SMAD6: variants seen among roughly 807,000 people sequenced by gnomAD.
SMAD6 encodes the protein MAD homolog 6.
SMAD6 carries 103 observed loss-of-function variants against 39.4 expected under a neutral mutation model. The ratio of observed to expected loss-of-function variants is 2.62; its 90% CI spans 2.23 to 3.08. SMAD6 has a LOEUF of 3.08. Among genes scored for constraint, SMAD6 ranks in the 30% most tolerant of loss-of-function variants. The pLI, the probability that SMAD6 is intolerant of heterozygous loss-of-function variation, is 0.00. For missense variants in SMAD6, 1,104 were observed against 742.9 expected (o/e 1.49, Z -5.65); for synonymous variants, 445 against 353.3 (o/e 1.26, Z -2.91).
Position 66,781,156 on chromosome 15 carries a change from T to C in SMAD6, c.1112T>C (p.Leu371Pro), listed in dbSNP as rs962194182. ...GGCAGCGGCTTCTGCCTGGGCCAGC[T>C]CAACCTGGAGCAGCGCAGCGAGTCG... ...PQGSGFCLGQ[L>P]NLEQRSESVR... Residue 371 changes from leucine to proline, a missense_variant, in exon 4 of 4, where the codon CTC becomes CCC. Leu to Pro is a moderately conservative substitution (Grantham distance 98, BLOSUM62 -3). Coordinates refer to ENST00000288840, the MANE Select transcript of SMAD6 (RefSeq NM_005585.5). 6.2e-7 allele frequency: 1 copy of C among 1,608,254 alleles called. No individual in the cohort carries two copies. The highest frequency in any genetic ancestry group is 8.5e-7 in the Non-Finnish European group (1 of 1,179,744).
At chr15:66,726,121 G>A (rs1320175700) in intron 3 of SMAD6, among the ~76,000 whole-genome samples, 1 of 152,132 alleles carries the variant, frequency 6.6e-6, no homozygotes, top group Admixed American at 6.5e-5. Context: ...TCACTCCCAG[G>A]CCCCTTCTCT....
At chr15:66,775,898 T>C (rs1397528205) in intron 3 of SMAD6, among the ~76,000 whole-genome samples, 1 of 152,212 alleles carries the variant, frequency 6.6e-6, no homozygotes, top group Non-Finnish European at 1.5e-5. Flanking sequence ...GGCTTGTGAC[T>C]GAGAGGCACA....
At chr15:66,779,439 C>T (rs1894521409) in intron 3 of SMAD6, among the ~76,000 whole-genome samples, 1 of 152,162 alleles carries the variant, frequency 6.6e-6, no homozygotes, top group East Asian at 1.9e-4. Context: ...GTGCCAGGCC[C>T]AGGACAAGGG....
chr15:66,748,090 C>A (rs1893937762), intron 3 of SMAD6, among the ~76,000 whole-genome samples: 1 of 152,036 alleles, frequency 6.6e-6, no homozygotes, highest in African/African-American at 2.4e-5. Context: ...GTAAAATAAT[C>A]AAAATATTTG....
intron 3 of SMAD6, among the ~76,000 whole-genome samples, chr15:66,739,855 G>A (rs1278303258): frequency 6.6e-6 from 1 of 152,128 alleles, no homozygotes; most frequent in South Asian, 2.1e-4. Flanking sequence ...GCCCAGGGTA[G>A]CCTCGAACTA....
At chr15:66,729,685 C>T (rs1893590430) in intron 3 of SMAD6, among the ~76,000 whole-genome samples, 1 of 152,220 alleles carries the variant, frequency 6.6e-6, no homozygotes, top group African/African-American at 2.4e-5. Context: ...ATTTTCTTCC[C>T]TGGCCCGCCC....
chr15:66,754,338 T>G (rs1279003260), intron 3 of SMAD6, among the ~76,000 whole-genome samples: 1 of 152,208 alleles, frequency 6.6e-6, no homozygotes, highest in Non-Finnish European at 1.5e-5. Flanking sequence ...TGCAGAAGAC[T>G]GGACCGAGCT....
At chr15:66,722,779 C>G (rs1017679721) in intron 3 of SMAD6, among the ~76,000 whole-genome samples, 2 of 151,374 alleles carry the variant, frequency 1.3e-5, no homozygotes, top group African/African-American at 4.9e-5. Context: ...GAGGGGGGGT[C>G]GGCAGGAGTG....
At chr15:66,737,811 A>T (rs948464804) in intron 3 of SMAD6, among the ~76,000 whole-genome samples, 7 of 152,078 alleles carry the variant, frequency 4.6e-5, no homozygotes, top group African/African-American at 1.7e-4. Flanking sequence ...CTGGGACCCA[A>T]GCCCCAGTGA....
At chr15:66,740,200 A>T (rs913636581) in intron 3 of SMAD6, among the ~76,000 whole-genome samples, 1 of 152,144 alleles carries the variant, frequency 6.6e-6, no homozygotes, top group Non-Finnish European at 1.5e-5. Context: ...TCCCCTGTGC[A>T]TTCCTGGCTA....
chr15:66,710,213 A>G (rs959716817), intron 1 of SMAD6, among the ~76,000 whole-genome samples: 1 of 152,202 alleles, frequency 6.6e-6, no homozygotes, highest in African/African-American at 2.4e-5. Flanking sequence ...TTGAGAAAGG[A>G]TTAAATAAAA....
intron 3 of SMAD6, among the ~76,000 whole-genome samples, chr15:66,753,244 G>A (rs1287940019): frequency 1.3e-5 from 2 of 152,184 alleles, no homozygotes; most frequent in Non-Finnish European, 2.9e-5. Flanking sequence ...TCTGGGATGT[G>A]GGAAAGGTGA....
chr15:66,766,236 A>G (rs899306352), intron 3 of SMAD6, among the ~76,000 whole-genome samples: 18 of 152,062 alleles, frequency 1.2e-4, no homozygotes, highest in African/African-American at 4.4e-4. Flanking sequence ...CCAGCCTCGT[A>G]GAGGAGGTGC....
At chr15:66,715,999 G>A (rs929590111) in intron 2 of SMAD6, among the ~76,000 whole-genome samples, 1 of 150,508 alleles carries the variant, frequency 6.6e-6, no homozygotes, top group African/African-American at 2.4e-5. Context: ...AGGAAGGAAG[G>A]AAGAAAGGAA....
chr15:66,723,397 A>G (rs904128708), intron 3 of SMAD6, among the ~76,000 whole-genome samples: 2 of 152,200 alleles, frequency 1.3e-5, no homozygotes, highest in African/African-American at 4.8e-5. Context: ...ATTATTCAGA[A>G]CTTACTGCAG....
chr15:66,757,554 C>A lies in SMAD6; in HGVS notation c.953-23443C>A, dbSNP rs561546547. Among the ~76,000 whole-genome samples the A allele has an allele frequency of 3.5e-3, 535 of 152,322 alleles. 4 individuals carry two copies. Among genetic ancestry groups the A allele is most frequent in the Non-Finnish European group, 5.4e-3 (369 of 68,040 alleles). On this transcript the variant is annotated intron_variant, in intron 3 of 3. Coordinates refer to ENST00000288840, the MANE Select transcript of SMAD6 (RefSeq NM_005585.5). ...GTCCAGCAGGACCCTCAGGCTGGGT[C>A]TCCCAGGCCGGGGGCTGGTCTGCCT...
chr15:66,770,713 T>C (rs1894365619), intron 3 of SMAD6, among the ~76,000 whole-genome samples: 1 of 152,178 alleles, frequency 6.6e-6, no homozygotes, highest in Admixed American at 6.5e-5. Flanking sequence ...ATAATCTGCT[T>C]ATCTTGCCCT....
At chr15:66,749,889 G>A (rs2140646056) in intron 3 of SMAD6, among the ~76,000 whole-genome samples, 1 of 152,324 alleles carries the variant, frequency 6.6e-6, no homozygotes, top group Middle Eastern at 3.4e-3. Context: ...GAGTTGCTGG[G>A]ACAGTGGAGC....
intron 3 of SMAD6, among the ~76,000 whole-genome samples, chr15:66,751,758 C>A (rs893592530): frequency 1.3e-5 from 2 of 152,234 alleles, no homozygotes; most frequent in African/African-American, 2.4e-5. Context: ...TTCTACCCCC[C>A]ACACCTGCAT....
Sources: gnomAD v4.1 joint callset for allele counts (sites outside exome capture counted in the v4.1 genomes callset) on GRCh38, gnomAD v4.1.1 for gene constraint, MANE v1.5 for transcripts, NCBI Gene and HGNC (gene_info 2026-07-23, HGNC 2026-07-21) for gene names.